POLH: variants seen among roughly 807,000 people sequenced by gnomAD.
The protein encoded by POLH is DNA polymerase eta transcript.
A neutral mutation model predicts 73.6 loss-of-function variants in POLH; 53 were observed. That is an observed-to-expected ratio of 0.72 (90% CI 0.58 to 0.91). POLH has a LOEUF of 0.91. Ranked by LOEUF, POLH falls within the 40% of genes least tolerant of loss-of-function variation. POLH has a pLI of 0.00. For synonymous variants in POLH, 292 were observed against 308.5 expected, an observed-to-expected ratio of 0.95 and a Z score of 0.56; for missense variants, 768 against 865.4, an observed-to-expected ratio of 0.89 and a Z score of 1.41.
chr6:43,604,727 A>G lies in POLH; in HGVS notation c.997A>G (p.Thr333Ala), dbSNP rs772285789. 1 of 1,614,112 alleles carries G rather than the reference A, an allele frequency of 6.2e-7. No homozygotes were observed. The highest frequency in any genetic ancestry group is 8.5e-7 in the Non-Finnish European group (1 of 1,180,000). Residue 333 changes from threonine to alanine, a missense_variant, in exon 8 of 11, where the codon ACT becomes GCT. Physicochemically the swap from Thr to Ala is moderately conservative, Grantham distance 58. Transcript: ENST00000372236. Reference protein sequence around the residue: ...KNFPGKTALATREQVQWWLLQ... With the variant: ...KNFPGKTALAAREQVQWWLLQ... ...CTTCCCAGGAAAAACAGCTCTTGCT[A>G]CTCGGGAACAGGTAAGCTGGCATTC...
In POLH at chr6:43,614,511, A is replaced by T; in HGVS notation, c.2096A>T (p.Glu699Val). The T allele has an allele frequency of 6.2e-7, 1 of 1,614,008 alleles. No individual in the cohort carries two copies. Among genetic ancestry groups the T allele is most frequent in the East Asian group, 2.2e-5 (1 of 44,890 alleles). The change falls in exon 11 of 11, where the codon GAG (glutamate) becomes GTG (valine). Residue 699 changes from glutamate to valine, a missense_variant. By Grantham distance (121) the Glu-to-Val change is moderately radical. Coordinates refer to ENST00000372236, the MANE Select transcript of POLH (RefSeq NM_006502.3). ...LACTNKRPRP[E>V]GMQTLESFFK... is the part of the protein sequence containing the mutation. The stretch of plus-strand genomic sequence containing the variant: ...TGCACTAATAAACGCCCCAGGCCTG[A>T]GGGCATGCAAACATTGGAATCATTT...
chr6:43,587,375 C>G lies in POLH; in HGVS notation c.376C>G (p.Gln126Glu). Residue 126 changes from glutamine (Q) to glutamate (E), a missense_variant, in exon 4 of 11, where the codon CAA becomes GAA. By Grantham distance (29) the Gln-to-Glu change is conservative. Coordinates refer to ENST00000372236, the MANE Select transcript of POLH (RefSeq NM_006502.3). ...TTACGTAGATCTGACCAGTGCTGTACAAGAGAGACTACAAAAGCTACAAGG... is the reference window on the plus strand; with the variant it reads ...TTACGTAGATCTGACCAGTGCTGTAGAAGAGAGACTACAAAAGCTACAAGG... ...EAYVDLTSAV[Q>E]ERLQKLQGQP... The G allele has an allele frequency of 1.2e-6, 2 of 1,614,036 alleles. No homozygotes were observed. Among genetic ancestry groups the G allele is most frequent in the East Asian group, 2.2e-5 (1 of 44,886 alleles).
intron 4 of POLH, among the ~76,000 whole-genome samples, chr6:43,593,480 G>A (rs1378829077): frequency 2.6e-5 from 4 of 152,200 alleles, no homozygotes; most frequent in South Asian, 2.1e-4. Flanking sequence ...GAGAAAATAC[G>A]TAGATTAATG....
chr6:43,600,965 T>C, intron 5 of POLH, 23 bp from the exon 6 acceptor site: 1 of 1,532,852 alleles, frequency 6.5e-7, no homozygotes, highest in Non-Finnish European at 9.0e-7. Flanking sequence ...GTAATGAGGT[T>C]TTTATACTTT....
intron 1 of POLH, among the ~76,000 whole-genome samples, chr6:43,579,887 A>T (rs893309726): frequency 4.6e-5 from 7 of 151,270 alleles, no homozygotes; most frequent in African/African-American, 1.7e-4. Flanking sequence ...ATTGTTGTTG[A>T]GTGAAAGAAT....
At chr6:43,609,891 TC>T (rs1174225692) in intron 9 of POLH, among the ~76,000 whole-genome samples, 2 of 152,092 alleles carry the variant, frequency 1.3e-5, no homozygotes, top group Non-Finnish European at 2.9e-5. Flanking sequence ...GCTGTCCTGT[TC>T]CCATCATCTG....
intron 7 of POLH, 35 bp from the exon 8 acceptor site, chr6:43,604,580 A>T: frequency 6.2e-7 from 1 of 1,606,530 alleles, no homozygotes; most frequent in Non-Finnish European, 8.5e-7. Context: ...ATAATCATTT[A>T]ATTTCACCTT....
intron 5 of POLH, among the ~76,000 whole-genome samples, chr6:43,598,219 G>A (rs1262929847): frequency 8.3e-5 from 12 of 144,836 alleles, no homozygotes; most frequent in African/African-American, 3.0e-4. Context: ...AAAAAAAAAA[G>A]TTGTTACACA....
intron 9 of POLH, 122 bp downstream of exon 9, chr6:43,605,441 T>C: frequency 3.6e-6 from 2 of 550,478 alleles, no homozygotes; most frequent in East Asian, 7.1e-5. Flanking sequence ...TCCGTTTTCT[T>C]TCTTTTTTTT....
At chr6:43,597,577 A>AT (rs1352079780) in intron 4 of POLH, 119 bp from the exon 5 acceptor site, 38 of 973,182 alleles carry the variant, frequency 3.9e-5, no homozygotes, top group Non-Finnish European at 5.8e-5. Flanking sequence ...GCTGGCTGCC[A>AT]TTTTTTTGTG....
chr6:43,597,922 T>G, intron 5 of POLH, 57 bp downstream of exon 5: 3 of 1,421,536 alleles, frequency 2.1e-6, no homozygotes, highest in Admixed American at 3.3e-5. Context: ...TCAAATACAG[T>G]AGGGACAGTG....
chr6:43,581,714 G>A (rs1366113478), intron 1 of POLH, among the ~76,000 whole-genome samples: 1 of 147,180 alleles, frequency 6.8e-6, no homozygotes, highest in Non-Finnish European at 1.5e-5. Flanking sequence ...CAGCGGCTCC[G>A]CTTCATATCT....
At chr6:43,594,690 C>CA (rs1191587589) in intron 4 of POLH, among the ~76,000 whole-genome samples, 4 of 151,402 alleles carry the variant, frequency 2.6e-5, no homozygotes, top group Middle Eastern at 3.4e-3. Flanking sequence ...AACTCCGTCT[C>CA]AAAAAAAATA....
intron 5 of POLH, among the ~76,000 whole-genome samples, chr6:43,600,425 A>C (rs1425235169): frequency 1.3e-5 from 2 of 150,858 alleles, no homozygotes; most frequent in Admixed American, 1.3e-4. Context: ...CTCAAAAAAA[A>C]AAAAAGTTCT....
chr6:43,601,693 G>A (rs546356077), intron 6 of POLH, among the ~76,000 whole-genome samples: 1 of 152,298 alleles, frequency 6.6e-6, no homozygotes, highest in East Asian at 1.9e-4. Context: ...GTAGGCCAGG[G>A]TGGGTGGATC....
chr6:43,593,794 T>TA (rs1035111986), intron 4 of POLH, among the ~76,000 whole-genome samples: 2 of 148,420 alleles, frequency 1.3e-5, no homozygotes, highest in Non-Finnish European at 3.0e-5. Flanking sequence ...GCAGGAGAAT[T>TA]ACTTGAACCC....
intron 1 of POLH, 54 bp downstream of exon 1, chr6:43,576,494 CT>C (rs2127762865): frequency 6.6e-6 from 1 of 152,268 alleles, no homozygotes; most frequent in South Asian, 2.1e-4. Context: ...TCTATGTTGC[CT>C]TGGCTATTGG....
intron 10 of POLH, among the ~76,000 whole-genome samples, chr6:43,612,675 A>C (rs1246691915): frequency 6.6e-6 from 1 of 151,594 alleles, no homozygotes; most frequent in Non-Finnish European, 1.5e-5. Flanking sequence ...TTAAAATGAC[A>C]TTTACCCTTT....
Position 43,616,054 on chromosome 6 carries a change from C to T in POLH, c.*1497C>T, listed in dbSNP as rs977332216. 8.6e-5 allele frequency among the ~76,000 whole-genome samples: 13 copies of T among 151,902 alleles called. No homozygotes were observed. Among genetic ancestry groups the T allele is most frequent in the Admixed American group, 4.6e-4 (7 of 15,266 alleles). On this transcript the variant is annotated 3_prime_UTR_variant, in exon 11 of 11. Transcript: ENST00000372236. ...CTGCAATCCCAGCACTTTGGGAGGCCGAGGCGGGCGGATCACAAGGTCAGG... is the reference window on the plus strand; with the variant it reads ...CTGCAATCCCAGCACTTTGGGAGGCTGAGGCGGGCGGATCACAAGGTCAGG...
Sources: allele counts gnomAD v4.1 joint callset (sites outside exome capture counted in the v4.1 genomes callset), GRCh38; gene constraint gnomAD v4.1.1; transcripts MANE v1.5; gene names NCBI Gene and HGNC (gene_info 2026-07-23, HGNC 2026-07-21).